Variants in MPP7 observed in about 807,000 individuals in gnomAD.
The protein encoded by MPP7 is MAGUK p55 scaffold protein 7, also known as MAGUK p55 subfamily member 7.
MPP7 carries 60 observed loss-of-function variants against 76.5 expected under a neutral mutation model. That is an observed-to-expected ratio of 0.78 (90% CI 0.64 to 0.97). The LOEUF is 0.97. Ranked by LOEUF, MPP7 falls within the 50% of genes least tolerant of loss-of-function variation. The pLI is 0.00. For synonymous variants in MPP7, 237 were observed against 244.5 expected, an observed-to-expected ratio of 0.97 and a Z score of 0.29; for missense variants, 641 against 694.0, an observed-to-expected ratio of 0.92 and a Z score of 0.86.
chr10:28,097,789 GA>G (rs1853638434), intron 11 of MPP7, among the ~76,000 whole-genome samples: 1 of 152,114 alleles, frequency 6.6e-6, no homozygotes, highest in South Asian at 2.1e-4. Flanking sequence ...CCCTGTATTA[GA>G]AATACAAAAA....
chr10:28,334,207 G>GA (rs58091618), intron 1 of MPP7, among the ~76,000 whole-genome samples: 45 of 143,684 alleles, frequency 3.1e-4, no homozygotes, highest in South Asian at 1.3e-3. Flanking sequence ...TCTAAAAAAA[G>GA]AAAAAAAAAA....
At position 28,167,310 on chromosome 10, in the gene MPP7, C is replaced by CAAA. The variant is rs747188721; in HGVS notation, c.157-17254_157-17252dup. Among the ~76,000 whole-genome samples, 222 of 67,788 alleles carry CAAA rather than the reference C, an allele frequency of 3.3e-3. 1 individual carries two copies. The highest frequency in any genetic ancestry group is 6.7e-3 in the Admixed American group (45 of 6,720). The allele number at this position is 67,788 out of a possible 152,430, so 44.5% of individuals were successfully genotyped here. The stretch of plus-strand genomic sequence containing the variant: ...TGGGCAACAGAGTGAGGCTCTGCCT[C>CAAA]AAAAAAACAAACAAACAAACAAACA... On this transcript the variant is annotated intron_variant, in intron 3 of 16. Transcript: ENST00000683449.
At chr10:28,300,047 G>A (rs1006918322) in intron 1 of MPP7, among the ~76,000 whole-genome samples, 8 of 152,146 alleles carry the variant, frequency 5.3e-5, no homozygotes, top group Admixed American at 3.3e-4. Flanking sequence ...GATTACAGGC[G>A]TGAGCCACCA....
rs766891695 is a variant in MPP7, at chr10:28,112,652, A to G, written c.952+6999T>C. Among the ~76,000 whole-genome samples the G allele has an allele frequency of 5.8e-4, 88 of 152,184 alleles. 1 individual carries two copies. Among genetic ancestry groups the G allele is most frequent in the Non-Finnish European group, 2.8e-4 (19 of 68,048 alleles). ...AACATCCAGTAAGAAAAGGAAACAG[A>G]ATTTCTCAGACTTAGCAAGTTTGAA... is the stretch of plus-strand genomic sequence containing the variant. On this transcript the variant is annotated intron_variant, in intron 11 of 16. Transcript: ENST00000683449.
intron 2 of MPP7, among the ~76,000 whole-genome samples, chr10:28,232,009 A>C (rs554242089): frequency 6.6e-6 from 1 of 152,338 alleles, no homozygotes; most frequent in Non-Finnish European, 1.5e-5. Flanking sequence ...AAAGGATAGT[A>C]AATTATGACC....
At chr10:28,319,740 C>A (rs1314171482) in intron 2 of MPP7, among the ~76,000 whole-genome samples, 8 of 152,102 alleles carry the variant, frequency 5.3e-5, no homozygotes, top group African/African-American at 1.9e-4. Context: ...CTTTGGGAGG[C>A]CAACGCAGGT....
intron 2 of MPP7, among the ~76,000 whole-genome samples, chr10:28,229,077 C>G (rs1457958965): frequency 6.6e-6 from 1 of 152,122 alleles, no homozygotes; most frequent in African/African-American, 2.4e-5. Context: ...AAAAGATTAA[C>G]AGCTGAAATT....
intron 1 of MPP7, among the ~76,000 whole-genome samples, chr10:28,287,940 T>G (rs1275532046): frequency 6.6e-6 from 1 of 152,156 alleles, no homozygotes; most frequent in African/African-American, 2.4e-5. Context: ...CTTGCAGAGT[T>G]TGATGTAGCA....
At chr10:28,324,021 C>A (rs527969032) in intron 2 of MPP7, among the ~76,000 whole-genome samples, 1 of 152,266 alleles carries the variant, frequency 6.6e-6, no homozygotes, top group African/African-American at 2.4e-5. Flanking sequence ...ATATTCACCT[C>A]TTCAGTTATT....
chr10:28,193,182 T>C (rs1837465271), intron 3 of MPP7, among the ~76,000 whole-genome samples: 1 of 150,888 alleles, frequency 6.6e-6, no homozygotes, highest in Non-Finnish European at 1.5e-5. Context: ...TGACAATGAG[T>C]TTTTTTGGGT....
At chr10:28,113,058 T>C (rs1330892313) in intron 11 of MPP7, among the ~76,000 whole-genome samples, 1 of 152,164 alleles carries the variant, frequency 6.6e-6, no homozygotes, top group Non-Finnish European at 1.5e-5. Context: ...GACATACGGA[T>C]ACAGCCTATT....
intron 1 of MPP7, among the ~76,000 whole-genome samples, chr10:28,243,230 C>A (rs573284186): frequency 3.1e-4 from 47 of 151,154 alleles, no homozygotes; most frequent in African/African-American, 9.9e-4. Flanking sequence ...AATGAGCTTC[C>A]AAGCAAAAAT....
At chr10:28,207,800 T>C (rs1837998322) in intron 2 of MPP7, among the ~76,000 whole-genome samples, 1 of 152,122 alleles carries the variant, frequency 6.6e-6, no homozygotes, top group Non-Finnish European at 1.5e-5. Context: ...CAAGGGTACA[T>C]TCTAGGTTGG....
intron 1 of MPP7, among the ~76,000 whole-genome samples, chr10:28,288,196 A>C (rs1840831228): frequency 6.6e-6 from 1 of 152,160 alleles, no homozygotes; most frequent in Non-Finnish European, 1.5e-5. Flanking sequence ...TATTTTTCAT[A>C]CAGAAGTATT....
chr10:28,187,447 C>A (rs773117533), intron 3 of MPP7, among the ~76,000 whole-genome samples: 26 of 152,186 alleles, frequency 1.7e-4, no homozygotes, highest in Non-Finnish European at 3.5e-4. Flanking sequence ...GGCCAAGGAG[C>A]GTTACCAGCT....
intron 13 of MPP7, among the ~76,000 whole-genome samples, chr10:28,067,082 AG>A (rs1852020301): frequency 1.3e-5 from 2 of 152,132 alleles, no homozygotes; most frequent in Admixed American, 1.3e-4. Context: ...TGCTGGGTCA[AG>A]GGTATGTGTT....
At chr10:28,111,400 T>G (rs1253116769) in intron 11 of MPP7, among the ~76,000 whole-genome samples, 1 of 152,206 alleles carries the variant, frequency 6.6e-6, no homozygotes, top group Non-Finnish European at 1.5e-5. Flanking sequence ...ACATAGTCCT[T>G]ACATAGCTTA....
chr10:28,264,238 C>T (rs1299147750), intron 1 of MPP7, among the ~76,000 whole-genome samples: 1 of 152,114 alleles, frequency 6.6e-6, no homozygotes, highest in Non-Finnish European at 1.5e-5. Flanking sequence ...TTACAGTGAG[C>T]TACGATTGCA....
chr10:28,206,668 T>C (rs1837958336), intron 2 of MPP7, among the ~76,000 whole-genome samples: 1 of 152,194 alleles, frequency 6.6e-6, no homozygotes, highest in Non-Finnish European at 1.5e-5. Context: ...TTAAAATACA[T>C]CATTTTCATT....
Sources: allele counts gnomAD v4.1 joint callset (sites outside exome capture counted in the v4.1 genomes callset), GRCh38; gene constraint gnomAD v4.1.1; transcripts MANE v1.5; gene names NCBI Gene and HGNC (gene_info 2026-07-23, HGNC 2026-07-21).